The following TMEM255B variants were observed in gnomAD, a reference collection of about 807,000 sequenced individuals.
TMEM255B encodes the protein transmembrane protein 255B.
Under a neutral mutation model 34.5 loss-of-function variants are expected in TMEM255B, and 35 were observed. The observed-to-expected ratio is 1.01, with a 90% confidence interval of 0.77 to 1.34. TMEM255B has a LOEUF of 1.34. Ranked by LOEUF, TMEM255B falls within the 40% of genes most tolerant of loss-of-function variation. The pLI, the probability that TMEM255B is intolerant of heterozygous loss-of-function variation, is 0.00. For synonymous variants in TMEM255B, 206 were observed against 201.2 expected (o/e 1.02, Z -0.20); for missense variants, 432 against 433.2 (o/e 1.00, Z 0.02).
chr13:113,804,817 G>A (rs982203250), intron 7 of TMEM255B, 68 bp from the exon 8 acceptor site: 94 of 1,433,044 alleles, frequency 6.6e-5, no homozygotes, highest in Non-Finnish European at 8.4e-5. Flanking sequence ...GGGCTTTCTA[G>A]GAAGGCTGGA....
intron 4 of TMEM255B, among the ~76,000 whole-genome samples, chr13:113,796,321 CACCACACAGAGCACAT>C (rs1435934113): frequency 1.3e-5 from 2 of 148,606 alleles, no homozygotes; most frequent in African/African-American, 2.6e-5. Flanking sequence ...ACACCTCACA[CACCACACAGAGCACAT>C]ACCACACAGA....
At chr13:113,798,516 G>A (rs1272702681) in intron 4 of TMEM255B, among the ~76,000 whole-genome samples, 1 of 151,584 alleles carries the variant, frequency 6.6e-6, no homozygotes, top group East Asian at 2.0e-4. Flanking sequence ...GGATGTGGAT[G>A]AATGGAAGGA....
intron 1 of TMEM255B, chr13:113,761,126 G>T: frequency 1.1e-6 from 1 of 948,476 alleles, no homozygotes; most frequent in Non-Finnish European, 1.3e-6. Flanking sequence ...ACCTGGGATT[G>T]TTACTTGGAC....
chr13:113,812,228 T>G lies in TMEM255B; in HGVS notation c.*325T>G. 2.7e-6 allele frequency: 1 copy of G among 372,450 alleles called. No homozygotes were observed. Among genetic ancestry groups the G allele is most frequent in the South Asian group, 3.7e-5 (1 of 26,806 alleles). The allele number at this position is 372,450 out of a possible 1,614,324, so 23.1% of individuals were successfully genotyped here. A position where few individuals can be genotyped will look rare whatever the true frequency, so the allele number is the denominator to read the frequency against. On this transcript the variant is annotated 3_prime_UTR_variant, in exon 9 of 9. Coordinates refer to ENST00000375353, the MANE Select transcript of TMEM255B (RefSeq NM_182614.4). ...TAATTAATTAGCTATTATTATGATT[T>G]TGCAAAGACAGTGCAGCCCCGGCCT...
At position 113,815,275 on chromosome 13, in the gene TMEM255B, G is replaced by T. The variant is rs922890239; in HGVS notation, c.*3372G>T. The T allele has an allele frequency of 6.6e-6, 1 of 150,764 alleles. No individual in the cohort carries two copies. The highest frequency in any genetic ancestry group is 1.5e-5 in the Non-Finnish European group (1 of 67,870). 9.3% of individuals were successfully genotyped at this position (150,764 alleles called of 1,614,324 possible). On this transcript the variant is annotated 3_prime_UTR_variant, in exon 9 of 9. Coordinates refer to ENST00000375353, the MANE Select transcript of TMEM255B (RefSeq NM_182614.4). ...CATGGGTGACGGTCCGTCCACGTGG[G>T]GTCACCGGCCACGGAGAGAGGAAGG...
In TMEM255B at chr13:113,766,212, C is replaced by G; in HGVS notation, c.144C>G (p.Thr48=). The G allele has an allele frequency of 6.2e-7, 1 of 1,614,214 alleles. No homozygotes were observed. The highest frequency in any genetic ancestry group is 8.5e-7 in the Non-Finnish European group (1 of 1,180,032). Reference sequence around the variant, plus strand: ...TCACCGTCGGGCTGGCTGCCACCACCAGGACGGAGAATGTGACCGTTGGGG... The same window carrying G: ...TCACCGTCGGGCTGGCTGCCACCACGAGGACGGAGAATGTGACCGTTGGGG... The part of the protein sequence containing the change: ...LIVTVGLAAT[T]RTENVTVGGY... The change falls in exon 2 of 9, where the codon ACC becomes ACG. Residue 48 remains threonine (T), a synonymous_variant. Transcript: ENST00000375353.
chr13:113,808,172 G>A (rs567604195), intron 8 of TMEM255B, among the ~76,000 whole-genome samples: 7 of 152,138 alleles, frequency 4.6e-5, no homozygotes, highest in East Asian at 1.9e-4. Flanking sequence ...CATGGAAGTC[G>A]TTAGCAGCAG....
Position 113,804,475 on chromosome 13 carries a change from A to G in TMEM255B, c.670-410A>G, listed in dbSNP as rs147466738. On this transcript the variant is annotated intron_variant, in intron 7 of 8. Transcript: ENST00000375353. ...CCCCCCAAAAAATCAAAAAAGTAAA[A>G]GAGAGCCCGAGCCGAGCGGTCACCC... Among the ~76,000 whole-genome samples, 1,521 of 152,280 alleles carry G rather than the reference A, an allele frequency of 1.0e-2. 27 individuals are homozygous for G. Among genetic ancestry groups the G allele is most frequent in the African/African-American group, 0.035 (1,459 of 41,554 alleles).
In TMEM255B at chr13:113,792,317, C is replaced by A. The variant is rs2050845683; in HGVS notation, c.253-2831C>A. ...AGGAAAATAGGAAGGTGAAGGAAGT[C>A]TCTTGCCTTCGGCCACACAACCTTG... is the stretch of plus-strand genomic sequence containing the variant. On this transcript the variant is annotated intron_variant, in intron 3 of 8. Coordinates refer to ENST00000375353, the MANE Select transcript of TMEM255B (RefSeq NM_182614.4). 2.0e-5 allele frequency among the ~76,000 whole-genome samples: 3 copies of A among 152,250 alleles called. No homozygotes were observed. The South Asian group carries it at 6.2e-4, about 31-fold the overall frequency.
chr13:113,800,038 C>T, intron 5 of TMEM255B: 2 of 1,217,396 alleles, frequency 1.6e-6, no homozygotes, highest in African/African-American at 1.6e-5. Context: ...TTGTCTGGGA[C>T]TCTCCAGCAG....
intron 1 of TMEM255B, among the ~76,000 whole-genome samples, chr13:113,765,109 A>G (rs1320781290): frequency 1.3e-5 from 2 of 152,180 alleles, no homozygotes; most frequent in Admixed American, 1.3e-4. Flanking sequence ...GGACAAGTGT[A>G]TCTTTGCAAG....
rs534143840 is a variant in TMEM255B, at chr13:113,759,446, G to T, written c.46+131G>T. ...ACGCGGCACGGGGTCTGGTCCCTCC[G>T]CCTCCTTCGAGCTCTGTCTTTGGAA... On this transcript the variant is annotated intron_variant, in intron 1 of 8. Coordinates refer to ENST00000375353, the MANE Select transcript of TMEM255B (RefSeq NM_182614.4). 49 of 819,680 alleles carry T rather than the reference G, an allele frequency of 6.0e-5. No individual in the cohort carries two copies. In the East Asian group the frequency reaches 1.5e-3, roughly 26 times the overall value. The allele number at this position is 819,680 out of a possible 1,614,324, so 50.8% of individuals were successfully genotyped here. A position where few individuals can be genotyped will look rare whatever the true frequency, so the allele number is the denominator to read the frequency against.
At chr13:113,782,675 A>T (rs9577900) in intron 3 of TMEM255B, among the ~76,000 whole-genome samples, 2,953 of 129,266 alleles carry the variant, frequency 0.023, 74 homozygotes, top group Middle Eastern at 0.026. Context: ...TGATGGTCGG[A>T]GGGGGGGGCT....
At position 113,811,746 on chromosome 13, in the gene TMEM255B, G is replaced by C; in HGVS notation, c.824G>C (p.Arg275Pro). 6.2e-7 allele frequency: 1 copy of C among 1,613,640 alleles called. No homozygotes were observed. Among genetic ancestry groups the C allele is most frequent in the Non-Finnish European group, 8.5e-7 (1 of 1,179,804 alleles). ...SYPLPLQPCS[R>P]FPVAPSSALA... ...CTCTGTTTATTGCAGCCCTGCAGCC[G>C]CTTCCCAGTTGCGCCCTCCTCTGCC... The change falls in exon 9 of 9, where the codon CGC becomes CCC. Residue 275 changes from arginine (R) to proline (P), a missense_variant. Physicochemically the swap from Arg to Pro is moderately radical, Grantham distance 103. Transcript: ENST00000375353.
chr13:113,809,590 G>T, intron 8 of TMEM255B, among the ~76,000 whole-genome samples: 1 of 125,266 alleles, frequency 8.0e-6, no homozygotes, highest in Admixed American at 8.8e-5. Flanking sequence ...TTCCTGGGGG[G>T]AGGGGTTTAC....
intron 3 of TMEM255B, among the ~76,000 whole-genome samples, chr13:113,791,911 C>T (rs944970554): frequency 4.1e-4 from 63 of 152,318 alleles, no homozygotes; most frequent in African/African-American, 1.2e-3. Flanking sequence ...GATGTGACGC[C>T]GCTCTCCCTG....
intron 8 of TMEM255B, among the ~76,000 whole-genome samples, chr13:113,807,484 C>A (rs1330325764): frequency 1.5e-4 from 16 of 107,500 alleles, no homozygotes; most frequent in African/African-American, 4.5e-4. Flanking sequence ...CCGTCACACG[C>A]GGGCTTATGG....
At chr13:113,794,851 G>A (rs936875437) in intron 3 of TMEM255B, among the ~76,000 whole-genome samples, 29 of 152,328 alleles carry the variant, frequency 1.9e-4, no homozygotes, top group African/African-American at 6.5e-4. Context: ...TTAGGGTTGG[G>A]CACACGCCCT....
intron 3 of TMEM255B, among the ~76,000 whole-genome samples, chr13:113,785,034 C>T (rs1396024448): frequency 1.1e-4 from 15 of 141,864 alleles, no homozygotes; most frequent in African/African-American, 2.6e-4. Flanking sequence ...GTTTATGAAG[C>T]GGGGAGCTTA....
Sources: allele counts gnomAD v4.1 joint callset (sites outside exome capture counted in the v4.1 genomes callset), GRCh38; gene constraint gnomAD v4.1.1; transcripts MANE v1.5; gene names NCBI Gene and HGNC (gene_info 2026-07-23, HGNC 2026-07-21).